The following APBB2 variants were observed in gnomAD, a reference collection of about 807,000 sequenced individuals.
APBB2 encodes the protein Fe65-like 1.
In APBB2, 38 loss-of-function variants were observed where a neutral mutation model predicts 82.5. The observed-to-expected ratio is 0.46, with a 90% CI of 0.36 to 0.60. APBB2 has a LOEUF of 0.60. Among genes scored for constraint, APBB2 ranks in the 20% least tolerant of loss-of-function variants. The pLI, the probability that APBB2 is intolerant of heterozygous loss-of-function variation, is 0.00. For synonymous variants in APBB2, 341 were observed against 368.2 expected (o/e 0.93, Z 0.85); for missense variants, 772 against 972.3 (o/e 0.79, Z 2.74).
chr4:41,163,399 C>T (rs1007636952), intron 1 of APBB2, among the ~76,000 whole-genome samples: 4 of 152,130 alleles, frequency 2.6e-5, no homozygotes, highest in Non-Finnish European at 5.9e-5. Flanking sequence ...GGTCCCTGCA[C>T]TAGGTCAACA....
At chr4:41,069,491 G>A (rs972782351) in intron 3 of APBB2, among the ~76,000 whole-genome samples, 5 of 152,136 alleles carry the variant, frequency 3.3e-5, no homozygotes, top group Admixed American at 2.6e-4. Context: ...ACTGCTCTGC[G>A]GTTTGTCTAT....
chr4:41,066,420 G>GTGCT (rs930439519), intron 3 of APBB2, among the ~76,000 whole-genome samples: 8 of 152,180 alleles, frequency 5.3e-5, no homozygotes, highest in African/African-American at 1.7e-4. Flanking sequence ...GCTAAGCACT[G>GTGCT]TAGCTACAAA....
At chr4:41,195,915 C>T in intron 1 of APBB2, among the ~76,000 whole-genome samples, 1 of 152,218 alleles carries the variant, frequency 6.6e-6, no homozygotes. Flanking sequence ...AATCCCAGCA[C>T]TTTGGGAGGC....
chr4:41,045,120 G>A (rs924664333), intron 4 of APBB2, among the ~76,000 whole-genome samples: 1 of 151,558 alleles, frequency 6.6e-6, no homozygotes, highest in African/African-American at 2.4e-5. Context: ...TTCCAATTTT[G>A]AATTTATTTC....
At chr4:41,085,331 C>T (rs1739270912) in intron 3 of APBB2, among the ~76,000 whole-genome samples, 1 of 150,990 alleles carries the variant, frequency 6.6e-6, no homozygotes, top group African/African-American at 2.4e-5. Context: ...ACAATAACAT[C>T]AAAACTTTTA....
intron 1 of APBB2, among the ~76,000 whole-genome samples, chr4:41,168,687 G>A (rs1032382667): frequency 1.3e-5 from 2 of 152,156 alleles, no homozygotes; most frequent in African/African-American, 4.8e-5. Flanking sequence ...GATCTACAGA[G>A]AAATAGAACC....
intron 6 of APBB2, chr4:40,990,066 CA>C (rs761734722): frequency 2.6e-5 from 4 of 152,190 alleles, no homozygotes; most frequent in Non-Finnish European, 5.9e-5. Context: ...GGAAACCACC[CA>C]AGTGTCCATC....
intron 3 of APBB2, among the ~76,000 whole-genome samples, chr4:41,094,254 T>C (rs1323791138): frequency 6.6e-6 from 1 of 152,224 alleles, no homozygotes; most frequent in Non-Finnish European, 1.5e-5. Context: ...TTTATGACAT[T>C]GGAGTTTTAT....
chr4:41,196,703 CT>C, intron 1 of APBB2, among the ~76,000 whole-genome samples: 2 of 146,126 alleles, frequency 1.4e-5, no homozygotes, highest in Non-Finnish European at 3.0e-5. Flanking sequence ...GTGATGTTTA[CT>C]TTTTAGTCTC....
chr4:41,016,435 G>C (rs1809961486), intron 5 of APBB2, among the ~76,000 whole-genome samples: 3 of 152,172 alleles, frequency 2.0e-5, no homozygotes, highest in African/African-American at 7.2e-5. Context: ...GCTGAGGCGG[G>C]CAGATCACCT....
rs756255343 is a variant in APBB2, at chr4:40,813,502, G to C, written c.*2590C>G. On this transcript the variant is annotated 3_prime_UTR_variant, in exon 18 of 18. Coordinates refer to ENST00000508593, the MANE Select transcript of APBB2 (RefSeq NM_004307.2). ...ACACATACTTTCATACATACTTTTT[G>C]GCCATGGCAGAAAGTGTCTGAACAT... 19 of 152,096 alleles carry C rather than the reference G, an allele frequency of 1.2e-4. No individual in the cohort carries two copies. The highest frequency in any genetic ancestry group is 3.4e-3 in the Middle Eastern group (1 of 294). 9.4% of individuals were successfully genotyped at this position (152,096 alleles called of 1,614,324 possible).
intron 12 of APBB2, among the ~76,000 whole-genome samples, chr4:40,869,122 G>A (rs1234030924): frequency 6.6e-6 from 1 of 151,916 alleles, no homozygotes; most frequent in African/African-American, 2.4e-5. Context: ...TCCACCTCCC[G>A]GGTTCAAGTG....
intron 10 of APBB2, among the ~76,000 whole-genome samples, chr4:40,923,540 G>C (rs1165552355): frequency 6.6e-6 from 1 of 152,176 alleles, no homozygotes; most frequent in Non-Finnish European, 1.5e-5. Context: ...GATTATTCAT[G>C]GCCCAAAATT....
At chr4:40,915,476 T>C (rs1199171570) in intron 10 of APBB2, among the ~76,000 whole-genome samples, 1 of 152,192 alleles carries the variant, frequency 6.6e-6, no homozygotes, top group South Asian at 2.1e-4. Context: ...TGAATGTATA[T>C]CTGCGAAGTT....
At chr4:41,023,946 G>A (rs956391803) in intron 5 of APBB2, among the ~76,000 whole-genome samples, 2 of 152,172 alleles carry the variant, frequency 1.3e-5, no homozygotes, top group Non-Finnish European at 2.9e-5. Flanking sequence ...CAGGGCTTCA[G>A]TACTCAAAAC....
chr4:40,817,904 C>A (rs1746357850), intron 17 of APBB2, among the ~76,000 whole-genome samples: 2 of 152,174 alleles, frequency 1.3e-5, no homozygotes, highest in African/African-American at 4.8e-5. Flanking sequence ...CCAAACCACA[C>A]ACATCGAAAG....
intron 12 of APBB2, chr4:40,880,918 T>C (rs1424892610): frequency 3.5e-5 from 34 of 981,904 alleles, no homozygotes; most frequent in Non-Finnish European, 4.0e-5. Flanking sequence ...GTCGCCTTCA[T>C]AGATTCATGA....
Position 41,045,098 on chromosome 4 carries a change from AT to A in APBB2, c.-50-11795del, listed in dbSNP as rs766630769. On this transcript the variant is annotated intron_variant, in intron 4 of 17. Coordinates refer to ENST00000508593, the MANE Select transcript of APBB2 (RefSeq NM_004307.2). The stretch of plus-strand genomic sequence containing the variant: ...GGTCAGTATTTGTAGTATTTAGTTG[AT>A]TTTGTGCTCCTTCCAATTTTGAATT... Among the ~76,000 whole-genome samples the A allele has an allele frequency of 7.9e-5, 12 of 151,430 alleles. 1 individual carries two copies. Among genetic ancestry groups the A allele is most frequent in the Admixed American group, 3.3e-4 (5 of 15,238 alleles).
At chr4:41,045,025 C>A (rs917405391) in intron 4 of APBB2, among the ~76,000 whole-genome samples, 1 of 152,008 alleles carries the variant, frequency 6.6e-6, no homozygotes, top group Non-Finnish European at 1.5e-5. Context: ...TTCTTCATTT[C>A]CTTTGGATTT....
Sources: gnomAD v4.1 joint callset for allele counts (sites outside exome capture counted in the v4.1 genomes callset) on GRCh38, gnomAD v4.1.1 for gene constraint, MANE v1.5 for transcripts, NCBI Gene and HGNC (gene_info 2026-07-23, HGNC 2026-07-21) for gene names.